Variants in MPHOSPH6 observed in about 807,000 individuals in gnomAD.
The protein encoded by MPHOSPH6 is M-phase phosphoprotein 6.
MPHOSPH6 carries 25 observed loss-of-function variants against 21.8 expected under a neutral mutation model. The observed-to-expected ratio is 1.15, with a 90% CI of 0.83 to 1.60. MPHOSPH6 has a LOEUF of 1.60. Ranked by LOEUF, MPHOSPH6 falls within the 40% of genes most tolerant of loss-of-function variation. MPHOSPH6 has a pLI of 0.00. For synonymous variants in MPHOSPH6, 84 were observed against 56.5 expected (o/e 1.49, Z -2.18); for missense variants, 269 against 181.8 (o/e 1.48, Z -2.76).
intron 4 of MPHOSPH6, 95 bp downstream of exon 4, chr16:82,149,214 G>A: frequency 7.6e-7 from 1 of 1,311,380 alleles, no homozygotes; most frequent in South Asian, 1.2e-5. Flanking sequence ...GGACTCCCTT[G>A]AAAGCTGCCG....
intron 3 of MPHOSPH6, 98 bp downstream of exon 3, chr16:82,151,326 T>C (rs1015502541): frequency 6.7e-7 from 1 of 1,493,506 alleles, no homozygotes; most frequent in Non-Finnish European, 9.1e-7. Context: ...ATATAATGAG[T>C]AGAAATGGTA....
intron 2 of MPHOSPH6, among the ~76,000 whole-genome samples, chr16:82,155,737 C>G (rs1016037313): frequency 2.0e-5 from 3 of 152,066 alleles, no homozygotes; most frequent in African/African-American, 7.2e-5. Context: ...AACAGTGTCT[C>G]TACTAAAAAT....
At chr16:82,160,709 T>G (rs188815599) in intron 2 of MPHOSPH6, among the ~76,000 whole-genome samples, 132 of 152,260 alleles carry the variant, frequency 8.7e-4, no homozygotes, top group African/African-American at 3.1e-3. Flanking sequence ...CCATCCCTCA[T>G]AGGAGTTGGG....
intron 1 of MPHOSPH6, among the ~76,000 whole-genome samples, chr16:82,166,063 C>T (rs1254414077): frequency 1.3e-5 from 2 of 152,256 alleles, no homozygotes; most frequent in South Asian, 2.1e-4. Context: ...AAAATGAGTG[C>T]GTGTAAAATG....
intron 1 of MPHOSPH6, among the ~76,000 whole-genome samples, chr16:82,165,228 A>C (rs1482905807): frequency 6.8e-6 from 1 of 147,538 alleles, no homozygotes; most frequent in Non-Finnish European, 1.5e-5. Context: ...CCTAGGTTCA[A>C]GAGGTTCTCC....
intron 2 of MPHOSPH6, among the ~76,000 whole-genome samples, chr16:82,158,705 T>C (rs1412886887): frequency 2.0e-5 from 3 of 152,140 alleles, no homozygotes; most frequent in African/African-American, 4.8e-5. Flanking sequence ...ACTGACACTA[T>C]TTACTGCCAA....
In MPHOSPH6 at chr16:82,165,114, C is replaced by CTTTTTTTTTT. The variant is rs1418457856; in HGVS notation, c.52-921_52-920insAAAAAAAAAA. On this transcript the variant is annotated intron_variant, in intron 1 of 4. Transcript: ENST00000258169. ...TTTCCCTTATTCAGGTCCGATATTT[C>CTTTTTTTTTT]TTTTTTATTTTTTTTTTTATTTTTT... is the stretch of plus-strand genomic sequence containing the variant. 5.1e-3 allele frequency among the ~76,000 whole-genome samples: 326 copies of CTTTTTTTTTT among 63,894 alleles called. 95 individuals carry two copies. The highest frequency in any genetic ancestry group is 0.013 in the East Asian group (28 of 2,192). The allele number at this position is 63,894 out of a possible 152,430, so 41.9% of individuals were successfully genotyped here.
chr16:82,158,825 C>T (rs1260284597), intron 2 of MPHOSPH6, among the ~76,000 whole-genome samples: 4 of 152,152 alleles, frequency 2.6e-5, no homozygotes, highest in South Asian at 2.1e-4. Context: ...TTGAAACCCA[C>T]GGTGATACTA....
intron 2 of MPHOSPH6, among the ~76,000 whole-genome samples, chr16:82,158,825 C>G (rs1260284597): frequency 1.3e-5 from 2 of 152,152 alleles, no homozygotes; most frequent in African/African-American, 4.8e-5. Context: ...TTGAAACCCA[C>G]GGTGATACTA....
At chr16:82,164,900 G>A (rs1185338019) in intron 1 of MPHOSPH6, 1 of 152,108 alleles carries the variant, frequency 6.6e-6, no homozygotes, top group East Asian at 1.9e-4. Context: ...GTAAATAACA[G>A]TCCTGCTGCC....
chr16:82,159,717 A>AAT (rs1906547494), intron 2 of MPHOSPH6, among the ~76,000 whole-genome samples: 2 of 152,062 alleles, frequency 1.3e-5, no homozygotes, highest in South Asian at 4.1e-4. Flanking sequence ...AGGAGTTCTA[A>AAT]ATAATTTTTA....
intron 2 of MPHOSPH6, among the ~76,000 whole-genome samples, chr16:82,162,517 A>G (rs1906638518): frequency 6.6e-6 from 1 of 152,180 alleles, no homozygotes; most frequent in Non-Finnish European, 1.5e-5. Context: ...CGTACCCGTG[A>G]ATGGAGGTAG....
chr16:82,162,619 G>T (rs1317549007), intron 2 of MPHOSPH6, among the ~76,000 whole-genome samples: 1 of 152,110 alleles, frequency 6.6e-6, no homozygotes, highest in Non-Finnish European at 1.5e-5. Flanking sequence ...AAGCTCAGGT[G>T]GTAATCACTC....
Position 82,151,507 on chromosome 16 carries a change from T to G in MPHOSPH6, c.172A>C (p.Ile58Leu). Residue 58 changes from isoleucine (I) to leucine (L), a missense_variant, in exon 3 of 5, where the codon ATA becomes CTA. Coordinates refer to ENST00000258169, the MANE Select transcript of MPHOSPH6 (RefSeq NM_005792.2). ...AGTAAGAAACTCTGCTCTTCTATTA[T>G]GAAACTCCTAAATGGGAAAATAAAA... ...LPELKEKESF[I>L]IEEQSFLLCE... 1 of 1,585,314 alleles carries G rather than the reference T, an allele frequency of 6.3e-7. No homozygotes were observed. The highest frequency in any genetic ancestry group is 1.8e-5 in the Admixed American group (1 of 54,478).
rs1906927676 is a variant in MPHOSPH6, at chr16:82,170,154, T to A, written c.22A>T (p.Arg8Trp). The change falls in exon 1 of 5, where the codon AGG (arginine) becomes TGG (tryptophan). Residue 8 changes from arginine (R) to tryptophan (W), a missense_variant. Arg to Trp is a moderately radical substitution (Grantham distance 101, BLOSUM62 -3). Transcript: ENST00000258169. MAAERKT[R>W]LSKNLLRMKF... The stretch of plus-strand genomic sequence containing the variant: ...ATGCGCAGTAGATTCTTGGACAACC[T>A]TGTCTTTCGCTCGGCCGCCATGGTA... The A allele has an allele frequency of 6.3e-7, 1 of 1,595,006 alleles. No homozygotes were observed.
chr16:82,162,319 TAG>T (rs1284938289), intron 2 of MPHOSPH6: 2 of 152,228 alleles, frequency 1.3e-5, no homozygotes, highest in Non-Finnish European at 1.5e-5. Context: ...TCTCCCTATT[TAG>T]AGTGTTAAAA....
chr16:82,168,599 T>A (rs1459418825), intron 1 of MPHOSPH6, among the ~76,000 whole-genome samples: 1 of 151,902 alleles, frequency 6.6e-6, no homozygotes, highest in Non-Finnish European at 1.5e-5. Context: ...GCCTCCCAAG[T>A]AGCTGGGACT....
chr16:82,164,274 A>G (rs1597164719), intron 1 of MPHOSPH6, 80 bp from the exon 2 acceptor site: 3 of 917,288 alleles, frequency 3.3e-6, no homozygotes, highest in East Asian at 4.9e-5. Context: ...TTCTTCTTCT[A>G]CTTGTTCTCC....
chr16:82,166,430 C>CT (rs1199114939), intron 1 of MPHOSPH6, among the ~76,000 whole-genome samples: 4 of 152,164 alleles, frequency 2.6e-5, no homozygotes, highest in Admixed American at 6.5e-5. Flanking sequence ...CAGTGTGTGT[C>CT]CTTTGGTAAG....
Sources: allele counts gnomAD v4.1 joint callset (sites outside exome capture counted in the v4.1 genomes callset), GRCh38; gene constraint gnomAD v4.1.1; transcripts MANE v1.5; gene names NCBI Gene and HGNC (gene_info 2026-07-23, HGNC 2026-07-21).